The following TAFA5 variants were observed in gnomAD, a reference collection of about 807,000 sequenced individuals.
The protein encoded by TAFA5 is chemokine-like protein TAFA-5.
A neutral mutation model predicts 15.3 loss-of-function variants in TAFA5; 6 were observed. That is an observed-to-expected ratio of 0.39 (90% CI 0.21 to 0.77). The LOEUF (loss-of-function observed/expected upper bound fraction) is 0.77, where lower values mean the gene tolerates loss of function less well. Among genes scored for constraint, TAFA5 ranks in the 30% least tolerant of loss-of-function variants. TAFA5 has a pLI of 0.41. For synonymous variants in TAFA5, 103 were observed against 80.7 expected (o/e 1.28, Z -1.48); for missense variants, 161 against 193.1 (o/e 0.83, Z 0.98).
At chr22:48,657,144 T>C (rs1489459553) in intron 2 of TAFA5, among the ~76,000 whole-genome samples, 1 of 151,998 alleles carries the variant, frequency 6.6e-6, no homozygotes, top group East Asian at 1.9e-4. Context: ...TAGAGAGGGA[T>C]AGAGAAGAAG....
intron 2 of TAFA5, among the ~76,000 whole-genome samples, chr22:48,704,327 G>T (rs967131381): frequency 9.9e-5 from 15 of 152,128 alleles, no homozygotes; most frequent in Non-Finnish European, 1.8e-4. Flanking sequence ...TGGGTTTAAG[G>T]TTCGTGTTTG....
chr22:48,593,875 G>A (rs978943288), intron 1 of TAFA5, among the ~76,000 whole-genome samples: 1 of 152,214 alleles, frequency 6.6e-6, no homozygotes, highest in Non-Finnish European at 1.5e-5. Context: ...CCGAGGTGGT[G>A]AAGGGGACCT....
At chr22:48,651,904 A>G (rs1333714051) in intron 2 of TAFA5, among the ~76,000 whole-genome samples, 1 of 151,990 alleles carries the variant, frequency 6.6e-6, no homozygotes, top group Non-Finnish European at 1.5e-5. Flanking sequence ...GACCACACTG[A>G]TGGCAGGGCC....
At chr22:48,664,342 A>G (rs141862087) in intron 2 of TAFA5, among the ~76,000 whole-genome samples, 3 of 152,186 alleles carry the variant, frequency 2.0e-5, no homozygotes, top group Admixed American at 6.5e-5. Flanking sequence ...CAGTAAATGT[A>G]GTCGTGTCTC....
chr22:48,489,776 C>A lies in TAFA5; in HGVS notation c.112+72C>A. The A allele has an allele frequency of 1.0e-6, 1 of 985,066 alleles. No homozygotes were observed. The allele number at this position is 985,066 out of a possible 1,614,324, so 61.0% of individuals were successfully genotyped here. A position where few individuals can be genotyped will look rare whatever the true frequency, so the allele number is the denominator to read the frequency against. ...GACCCCCTCCTCCGGCCCCGGCAGG[C>A]GCCCCGCGGGCCTCCCGGAGTCGGC... is the stretch of plus-strand genomic sequence containing the variant. On this transcript the variant is annotated intron_variant, in intron 1 of 3. Transcript: ENST00000402357. The surrounding 1 kb of genome is among the most constrained non-coding windows in gnomAD (Gnocchi z 5.5).
In TAFA5 at chr22:48,720,572, G is replaced by A. The variant is rs540954153; in HGVS notation, c.390+12728G>A. ...AGGTGCTCACATCCCACCGTGCATA[G>A]CCAGGACAGAGGGGTCCTGGGGACC... On this transcript the variant is annotated intron_variant, in intron 3 of 3. Coordinates refer to ENST00000402357, the MANE Select transcript of TAFA5 (RefSeq NM_001082967.3). Among the ~76,000 whole-genome samples the A allele has an allele frequency of 3.3e-5, 5 of 152,266 alleles. No individual in the cohort carries two copies. The South Asian group carries it at 1.0e-3, about 32-fold the overall frequency.
At chr22:48,699,902 C>T (rs918055014) in intron 2 of TAFA5, among the ~76,000 whole-genome samples, 33 of 152,144 alleles carry the variant, frequency 2.2e-4, no homozygotes, top group Non-Finnish European at 5.9e-5. Context: ...CCCACAGCCC[C>T]AGAGAGCAGC....
At chr22:48,676,955 C>T (rs1927993480) in intron 2 of TAFA5, among the ~76,000 whole-genome samples, 1 of 152,224 alleles carries the variant, frequency 6.6e-6, no homozygotes, top group African/African-American at 2.4e-5. Flanking sequence ...GTCATTACCA[C>T]TGGGCTCCCA....
At chr22:48,706,775 AT>A (rs1259013002) in intron 2 of TAFA5, among the ~76,000 whole-genome samples, 2 of 152,106 alleles carry the variant, frequency 1.3e-5, no homozygotes, top group Non-Finnish European at 2.9e-5. Context: ...GGAAGGACAT[AT>A]TTTTTCCCAG....
intron 2 of TAFA5, among the ~76,000 whole-genome samples, chr22:48,687,470 T>G (rs2147235194): frequency 1.4e-5 from 2 of 145,768 alleles, no homozygotes; most frequent in African/African-American, 2.5e-5. Context: ...TGTGGATGGG[T>G]GGATGGGGGA....
chr22:48,542,344 G>GGT (rs201233339), intron 1 of TAFA5, among the ~76,000 whole-genome samples: 3 of 132,188 alleles, frequency 2.3e-5, no homozygotes, highest in African/African-American at 8.7e-5. Flanking sequence ...GTGTGTGTGT[G>GGT]GTGTGTGTGC....
chr22:48,678,747 C>T (rs543850922), intron 2 of TAFA5, among the ~76,000 whole-genome samples: 84 of 145,080 alleles, frequency 5.8e-4, no homozygotes, highest in African/African-American at 2.2e-3. Context: ...AAAAAGAAAA[C>T]GGAAAAACAA....
intron 1 of TAFA5, among the ~76,000 whole-genome samples, chr22:48,603,449 G>T (rs183875290): frequency 6.6e-6 from 1 of 152,236 alleles, no homozygotes; most frequent in Non-Finnish European, 1.5e-5. Context: ...GGTGTCTGAC[G>T]GTCTCCTTGT....
In TAFA5 at chr22:48,489,614, G is replaced by C. The variant is rs753365904; in HGVS notation, c.22G>C (p.Gly8Arg). Residue 8 changes from glycine (G) to arginine (R), a missense_variant, in exon 1 of 4, where the codon GGC (glycine) becomes CGC (arginine). Transcript: ENST00000402357. The surrounding 1 kb of genome is among the most constrained non-coding windows in gnomAD (Gnocchi z 5.5). ...TTCAATGGCGCCATCGCCCAGGACCGGCAGCCGGCAAGATGCGACCGCCCT... is the reference window on the plus strand; with the variant it reads ...TTCAATGGCGCCATCGCCCAGGACCCGCAGCCGGCAAGATGCGACCGCCCT... MAPSPRT[G>R]SRQDATALPS... 1.2e-5 allele frequency: 18 copies of C among 1,500,916 alleles called. 1 individual carries two copies. The highest frequency in any genetic ancestry group is 8.7e-5 in the South Asian group (7 of 80,376). The allele number at this position is 1,500,916 out of a possible 1,614,324, so 93.0% of individuals were successfully genotyped here.
intron 1 of TAFA5, among the ~76,000 whole-genome samples, chr22:48,538,006 G>T (rs538147421): frequency 1.1e-4 from 16 of 152,244 alleles, no homozygotes; most frequent in Non-Finnish European, 1.6e-4. Flanking sequence ...TGTCACCAGC[G>T]CACGGTCAGC....
chr22:48,580,329 C>T (rs1923989299), intron 1 of TAFA5, among the ~76,000 whole-genome samples: 1 of 152,186 alleles, frequency 6.6e-6, no homozygotes, highest in African/African-American at 2.4e-5. Flanking sequence ...TTGATGCTGT[C>T]TTTACAAGAT....
At chr22:48,513,101 C>T (rs141122757) in intron 1 of TAFA5, among the ~76,000 whole-genome samples, 2 of 152,218 alleles carry the variant, frequency 1.3e-5, no homozygotes, top group Non-Finnish European at 2.9e-5. Flanking sequence ...TTCCCAGGCA[C>T]AGGCCTGTTT....
chr22:48,554,959 G>T (rs77549797), intron 1 of TAFA5, among the ~76,000 whole-genome samples: 3,769 of 152,274 alleles, frequency 0.025, 157 homozygotes, highest in African/African-American at 0.086. Flanking sequence ...GGAGTCCCTG[G>T]GCGGGGGCCC....
chr22:48,682,247 C>T (rs1257106229), intron 2 of TAFA5, among the ~76,000 whole-genome samples: 2 of 152,180 alleles, frequency 1.3e-5, no homozygotes, highest in Non-Finnish European at 2.9e-5. Flanking sequence ...ATGACCTGAC[C>T]TTAGAACCCA....
Sources: gnomAD v4.1 joint callset for allele counts (sites outside exome capture counted in the v4.1 genomes callset) on GRCh38, gnomAD v4.1.1 for gene constraint, Gnocchi (gnomAD v3.1) non-coding constraint, MANE v1.5 for transcripts, NCBI Gene and HGNC (gene_info 2026-07-23, HGNC 2026-07-21) for gene names.